The following PCP4L1 variants were observed in gnomAD, a reference collection of about 807,000 sequenced individuals.
The protein encoded by PCP4L1 is Purkinje cell protein 4 like 1, also known as Purkinje cell protein 4-like protein 1.
Under a neutral mutation model 9.6 loss-of-function variants are expected in PCP4L1, and 9 were observed. The observed-to-expected ratio is 0.94, with a 90% CI of 0.57 to 1.64. The LOEUF is 1.64. Among genes scored for constraint, PCP4L1 ranks in the 40% most tolerant of loss-of-function variants. The probability of loss-of-function intolerance (pLI) is 0.00; values close to 1 mark genes in which losing one functional copy is unlikely to be tolerated. For synonymous variants in PCP4L1, 31 were observed against 28.2 expected (o/e 1.10, Z -0.31); for missense variants, 81 against 80.8 (o/e 1.00, Z -0.01).
intron 1 of PCP4L1, among the ~76,000 whole-genome samples, chr1:161,261,760 A>T (rs1343419165): frequency 6.6e-6 from 1 of 152,230 alleles, no homozygotes; most frequent in African/African-American, 2.4e-5. Context: ...GACAGTCTTC[A>T]TGGTGTCTGT....
At chr1:161,260,085 A>G (rs1473688038) in intron 1 of PCP4L1, among the ~76,000 whole-genome samples, 3 of 152,124 alleles carry the variant, frequency 2.0e-5, no homozygotes, top group Non-Finnish European at 4.4e-5. Flanking sequence ...TTCCTCTCCC[A>G]TTAGAGTATT....
Position 161,258,899 on chromosome 1 carries a change from G to A in PCP4L1, c.-76G>A. 6.5e-7 allele frequency: 1 copy of A among 1,533,894 alleles called. No individual in the cohort carries two copies. The highest frequency in any genetic ancestry group is 8.7e-7 in the Non-Finnish European group (1 of 1,145,272). On this transcript the variant is annotated 5_prime_UTR_variant, in exon 1 of 3. Transcript: ENST00000504449. ...CCGCAGAGCCCGGCAACTTTCAGCT[G>A]TCGCCCGCGGAGCCCCGAGGGCCAC... is the stretch of plus-strand genomic sequence containing the variant.
chr1:161,281,420 G>T (rs759298651), intron 1 of PCP4L1, among the ~76,000 whole-genome samples: 2 of 152,044 alleles, frequency 1.3e-5, no homozygotes, highest in Non-Finnish European at 2.9e-5. Flanking sequence ...AGGGGCGGCC[G>T]GGCAGAGGCG....
At chr1:161,281,979 T>C (rs7532915) in intron 1 of PCP4L1, among the ~76,000 whole-genome samples, 69,256 of 151,284 alleles carry the variant, frequency 0.46, 16,193 homozygotes, top group East Asian at 0.64. Context: ...ACTTCCCAGA[T>C]GGGGTGGCAG....
chr1:161,271,246 T>C (rs897127018), intron 1 of PCP4L1, among the ~76,000 whole-genome samples: 10 of 152,162 alleles, frequency 6.6e-5, no homozygotes, highest in African/African-American at 2.4e-4. Flanking sequence ...AGAAAATTTT[T>C]AATAGGTATG....
intron 1 of PCP4L1, among the ~76,000 whole-genome samples, chr1:161,279,319 G>T (rs1669755834): frequency 6.6e-6 from 1 of 152,164 alleles, no homozygotes; most frequent in Non-Finnish European, 1.5e-5. Context: ...TTGAATAAGT[G>T]CAGGGACTTT....
chr1:161,263,305 T>G (rs369720044), intron 1 of PCP4L1, among the ~76,000 whole-genome samples: 193 of 152,268 alleles, frequency 1.3e-3, no homozygotes, highest in African/African-American at 4.3e-3. Context: ...ATGGTGAATC[T>G]CGGCTCGCTG....
rs2102228143 is a variant in PCP4L1 at position 161,258,935 on chromosome 1, T to A, written c.-40T>A. ...AGCCCCGAGGGCCACTCGCCTCACC[T>A]GTGCGTGCAGCGCCTCGCGCGCCCT... On this transcript the variant is annotated 5_prime_UTR_variant, in exon 1 of 3. Coordinates refer to ENST00000504449, the MANE Select transcript of PCP4L1 (RefSeq NM_001102566.2). 4 of 1,534,918 alleles carry A rather than the reference T, an allele frequency of 2.6e-6. No individual in the cohort carries two copies. The South Asian group carries it at 3.6e-5, about 14-fold the overall frequency.
intron 1 of PCP4L1, 75 bp downstream of exon 1, chr1:161,259,058 G>A (rs1484241497): frequency 6.0e-6 from 9 of 1,507,678 alleles, no homozygotes; most frequent in East Asian, 5.0e-5. Context: ...TCCCAGGGAG[G>A]CGAGGGAGAG....
At chr1:161,281,272 T>C (rs970564838) in intron 1 of PCP4L1, among the ~76,000 whole-genome samples, 2 of 152,110 alleles carry the variant, frequency 1.3e-5, no homozygotes, top group Admixed American at 1.3e-4. Flanking sequence ...CCATCCGATT[T>C]CTCAATCTTT....
At chr1:161,267,990 G>T (rs1368787278) in intron 1 of PCP4L1, among the ~76,000 whole-genome samples, 1 of 152,222 alleles carries the variant, frequency 6.6e-6, no homozygotes, top group African/African-American at 2.4e-5. Flanking sequence ...TGGAATAACA[G>T]GCGTGAGCCA....
chr1:161,276,276 T>C (rs534655912), intron 1 of PCP4L1, among the ~76,000 whole-genome samples: 1 of 152,274 alleles, frequency 6.6e-6, no homozygotes, highest in Admixed American at 6.5e-5. Flanking sequence ...CTCCTAAGTC[T>C]CAGGAACAGT....
At chr1:161,280,862 T>G (rs1207232445) in intron 1 of PCP4L1, among the ~76,000 whole-genome samples, 1 of 152,188 alleles carries the variant, frequency 6.6e-6, no homozygotes, top group Non-Finnish European at 1.5e-5. Flanking sequence ...TTTATTTTTA[T>G]TGATCATTCT....
intron 1 of PCP4L1, among the ~76,000 whole-genome samples, chr1:161,274,650 C>A (rs1669671954): frequency 6.6e-6 from 1 of 152,154 alleles, no homozygotes; most frequent in South Asian, 2.1e-4. Context: ...GGAAGATAAA[C>A]AGGAGGGTTG....
rs1270211211 is a variant in PCP4L1 at position 161,284,594 on chromosome 1, A to G, written c.*113A>G. On this transcript the variant is annotated 3_prime_UTR_variant, in exon 3 of 3. Coordinates refer to ENST00000504449, the MANE Select transcript of PCP4L1 (RefSeq NM_001102566.2). Reference sequence around the variant, plus strand: ...CTAGCCTTTCCTTGAGGCAAGTTCAACCTTTATATACTCTTGTATCTGGCC... The same window carrying G: ...CTAGCCTTTCCTTGAGGCAAGTTCAGCCTTTATATACTCTTGTATCTGGCC... The G allele has an allele frequency of 7.3e-7, 1 of 1,370,450 alleles. No homozygotes were observed. The highest frequency in any genetic ancestry group is 1.5e-5 in the African/African-American group (1 of 68,502). The allele number at this position is 1,370,450 out of a possible 1,614,324, so 84.9% of individuals were successfully genotyped here. A position where few individuals can be genotyped will look rare whatever the true frequency, so the allele number is the denominator to read the frequency against.
At chr1:161,271,048 A>C (rs1369561663) in intron 1 of PCP4L1, among the ~76,000 whole-genome samples, 1 of 152,206 alleles carries the variant, frequency 6.6e-6, no homozygotes, top group African/African-American at 2.4e-5. Flanking sequence ...TTAATTTACA[A>C]ATGTATGTGT....
At chr1:161,259,090 A>G in intron 1 of PCP4L1, 107 bp downstream of exon 1, 1 of 1,449,308 alleles carries the variant, frequency 6.9e-7, no homozygotes, top group East Asian at 2.6e-5. Context: ...GGAGCCGCGA[A>G]GAACCCTCCA....
At chr1:161,259,334 C>T (rs1489212133) in intron 1 of PCP4L1, among the ~76,000 whole-genome samples, 1 of 152,146 alleles carries the variant, frequency 6.6e-6, no homozygotes, top group Non-Finnish European at 1.5e-5. Flanking sequence ...CCCTTACCCC[C>T]CTCACTTCGC....
chr1:161,263,803 C>T (rs1032834959), intron 1 of PCP4L1, among the ~76,000 whole-genome samples: 4 of 150,476 alleles, frequency 2.7e-5, no homozygotes, highest in African/African-American at 7.3e-5. Context: ...ATGCTGGTCT[C>T]GAACTCCTGA....
Sources: allele counts gnomAD v4.1 joint callset (sites outside exome capture counted in the v4.1 genomes callset), GRCh38; gene constraint gnomAD v4.1.1; transcripts MANE v1.5; gene names NCBI Gene and HGNC (gene_info 2026-07-23, HGNC 2026-07-21).